The following CCBE1 variants were observed in gnomAD, a reference collection of about 807,000 sequenced individuals.
CCBE1 encodes collagen and calcium-binding EGF domain-containing protein 1.
A neutral mutation model predicts 50.0 loss-of-function variants in CCBE1; 37 were observed. The ratio of observed to expected loss-of-function variants is 0.74; its 90% CI spans 0.57 to 0.97. The LOEUF is 0.97. Ranked by LOEUF, CCBE1 falls within the 50% of genes least tolerant of loss-of-function variation. CCBE1 has a pLI of 0.00. For missense variants in CCBE1, 538 were observed against 523.8 expected, an observed-to-expected ratio of 1.03 and a Z score of -0.26; for synonymous variants, 234 against 203.7, an observed-to-expected ratio of 1.15 and a Z score of -1.27.
intron 2 of CCBE1, among the ~76,000 whole-genome samples, chr18:59,536,675 T>C (rs77906410): frequency 6.6e-6 from 1 of 152,166 alleles, no homozygotes. Flanking sequence ...TCTCCATTTC[T>C]TGACACTAAG....
intron 2 of CCBE1, among the ~76,000 whole-genome samples, chr18:59,659,737 AG>A (rs1360657176): frequency 1.3e-5 from 2 of 152,200 alleles, no homozygotes; most frequent in Non-Finnish European, 2.9e-5. Flanking sequence ...ACATAGGTAG[AG>A]GAAATAGTAA....
chr18:59,645,802 T>C (rs776332285), intron 2 of CCBE1, among the ~76,000 whole-genome samples: 108 of 152,080 alleles, frequency 7.1e-4, no homozygotes, highest in African/African-American at 7.7e-4. Context: ...GAGGCCAAGG[T>C]GGGCGGATCA....
intron 2 of CCBE1, among the ~76,000 whole-genome samples, chr18:59,664,582 C>T (rs1328252543): frequency 2.0e-5 from 3 of 152,142 alleles, no homozygotes; most frequent in Non-Finnish European, 4.4e-5. Context: ...TCAACATAAA[C>T]CCTTTAGTCA....
At chr18:59,611,088 G>A (rs2053563218) in intron 2 of CCBE1, among the ~76,000 whole-genome samples, 2 of 152,220 alleles carry the variant, frequency 1.3e-5, no homozygotes, top group Non-Finnish European at 1.5e-5. Flanking sequence ...GCTTTCAAAG[G>A]ACTGGGAGCT....
intron 2 of CCBE1, among the ~76,000 whole-genome samples, chr18:59,550,922 A>G (rs2469431): frequency 0.67 from 98,484 of 146,936 alleles, 33,074 homozygotes; most frequent in East Asian, 0.8. Context: ...GGAGAATGGC[A>G]TGAACCCAGG....
At chr18:59,547,900 C>T (rs1025489983) in intron 2 of CCBE1, among the ~76,000 whole-genome samples, 2 of 152,208 alleles carry the variant, frequency 1.3e-5, no homozygotes, top group Non-Finnish European at 2.9e-5. Flanking sequence ...CAGGAAAGTG[C>T]AACCTGACCG....
intron 2 of CCBE1, among the ~76,000 whole-genome samples, chr18:59,650,841 C>G (rs567389539): frequency 1.3e-5 from 2 of 151,412 alleles, no homozygotes; most frequent in Admixed American, 1.3e-4. Flanking sequence ...GCTTAGTCCT[C>G]GGTGGCCAAG....
intron 2 of CCBE1, among the ~76,000 whole-genome samples, chr18:59,566,338 A>G (rs1170999863): frequency 6.6e-6 from 1 of 152,194 alleles, no homozygotes; most frequent in Non-Finnish European, 1.5e-5. Flanking sequence ...AATTTCCAGC[A>G]AGGAAACAAT....
chr18:59,656,717 G>T (rs1315696167), intron 2 of CCBE1, among the ~76,000 whole-genome samples: 7 of 152,188 alleles, frequency 4.6e-5, no homozygotes, highest in African/African-American at 1.7e-4. Flanking sequence ...GTAAACACAA[G>T]ACTTATTTTG....
At position 59,673,292 on chromosome 18, in the gene CCBE1, A is replaced by T. The variant is rs187259096; in HGVS notation, c.212+23337T>A. On this transcript the variant is annotated intron_variant, in intron 2 of 10. Coordinates refer to ENST00000439986, the MANE Select transcript of CCBE1 (RefSeq NM_133459.4). The stretch of plus-strand genomic sequence containing the variant: ...ACGGCATAACCCTGTCTCTACTAAA[A>T]ATACAAAAATTAGCTGGGTGTGGTG... Among the ~76,000 whole-genome samples the T allele has an allele frequency of 1.4e-3, 213 of 152,318 alleles. 1 individual carries two copies. The highest frequency in any genetic ancestry group is 3.5e-3 in the South Asian group (17 of 4,826).
intron 2 of CCBE1, among the ~76,000 whole-genome samples, chr18:59,628,493 T>A (rs2053814668): frequency 6.6e-6 from 1 of 152,180 alleles, no homozygotes; most frequent in Admixed American, 6.5e-5. Flanking sequence ...GCTTTTTACC[T>A]GATCATGTCA....
chr18:59,451,374 T>C (rs555056316), intron 6 of CCBE1, among the ~76,000 whole-genome samples: 1 of 144,124 alleles, frequency 6.9e-6, no homozygotes, highest in Admixed American at 7.2e-5. Flanking sequence ...CCCAGGGAAC[T>C]CTCTGCAGCA....
At chr18:59,474,176 T>C (rs1243828903) in intron 3 of CCBE1, among the ~76,000 whole-genome samples, 1 of 152,224 alleles carries the variant, frequency 6.6e-6, no homozygotes, top group Non-Finnish European at 1.5e-5. Flanking sequence ...TTTGCTATTG[T>C]GAATAGCACG....
intron 2 of CCBE1, among the ~76,000 whole-genome samples, chr18:59,528,511 G>GT (rs1914917839): frequency 6.6e-6 from 1 of 152,174 alleles, no homozygotes; most frequent in Non-Finnish European, 1.5e-5. Context: ...GCCCTTGCTG[G>GT]AGAGGAGTTG....
intron 2 of CCBE1, among the ~76,000 whole-genome samples, chr18:59,681,824 T>G (rs1209724195): frequency 1.3e-5 from 2 of 152,202 alleles, no homozygotes; most frequent in African/African-American, 2.4e-5. Flanking sequence ...TGATTAGAGA[T>G]AAGTACTGCA....
chr18:59,607,057 G>GAAAAAAAAA (rs59954169), intron 2 of CCBE1, among the ~76,000 whole-genome samples: 1 of 117,374 alleles, frequency 8.5e-6, no homozygotes, highest in Non-Finnish European at 1.9e-5. Flanking sequence ...GTTGAATTGG[G>GAAAAAAAAA]AAAAAAAAAA....
intron 10 of CCBE1, 120 bp downstream of exon 10, chr18:59,437,991 G>C (rs1388294689): frequency 1.2e-6 from 1 of 842,728 alleles, no homozygotes; most frequent in East Asian, 2.6e-5. Flanking sequence ...GTTCTGTTCA[G>C]GTGGGCTGAG....
intron 7 of CCBE1, among the ~76,000 whole-genome samples, chr18:59,447,016 A>G (rs1211279853): frequency 6.6e-6 from 1 of 152,206 alleles, no homozygotes; most frequent in Non-Finnish European, 1.5e-5. Flanking sequence ...CTCCATAAGT[A>G]CTAAAAATAT....
chr18:59,439,090 TC>T (rs1160126144), intron 9 of CCBE1, among the ~76,000 whole-genome samples: 3 of 151,896 alleles, frequency 2.0e-5, no homozygotes, highest in Non-Finnish European at 2.9e-5. Flanking sequence ...ATGGAGACCA[TC>T]CTGGCTAACA....
Sources: gnomAD v4.1 joint callset for allele counts (sites outside exome capture counted in the v4.1 genomes callset) on GRCh38, gnomAD v4.1.1 for gene constraint, MANE v1.5 for transcripts, NCBI Gene and HGNC (gene_info 2026-07-23, HGNC 2026-07-21) for gene names.